RORA: variants seen among roughly 807,000 people sequenced by gnomAD.
RORA encodes the protein RAR related orphan receptor A.
Under a neutral mutation model 69.5 loss-of-function variants are expected in RORA, and 7 were observed. The ratio of observed to expected loss-of-function variants is 0.10; its 90% confidence interval spans 0.06 to 0.19. The LOEUF is 0.19. Among genes scored for constraint, RORA ranks in the 10% least tolerant of loss-of-function variants. The pLI, the probability that RORA is intolerant of heterozygous loss-of-function variation, is 1.00. For missense variants in RORA, 457 were observed against 663.0 expected (o/e 0.69, Z 3.41); for synonymous variants, 261 against 240.8 (o/e 1.08, Z -0.78).
chr15:60,868,504 G>T (rs2073515212), intron 1 of RORA, among the ~76,000 whole-genome samples: 2 of 152,208 alleles, frequency 1.3e-5, no homozygotes, highest in South Asian at 4.1e-4. Context: ...GGTTCTGTTG[G>T]GCTAGCAAGC....
chr15:61,090,037 G>A (rs2078682552), intron 1 of RORA, among the ~76,000 whole-genome samples: 1 of 152,200 alleles, frequency 6.6e-6, no homozygotes, highest in Non-Finnish European at 1.5e-5. Flanking sequence ...ACCAAATGGG[G>A]CAAGCCCAGG....
At chr15:60,963,176 A>G (rs1419753160) in intron 1 of RORA, among the ~76,000 whole-genome samples, 1 of 152,214 alleles carries the variant, frequency 6.6e-6, no homozygotes, top group East Asian at 1.9e-4. Flanking sequence ...AAGAAATTGA[A>G]CTTTTCAGAG....
rs576509786 is a variant in RORA, at chr15:61,142,882, T to C, written c.166+86171A>G. ...TTGATATGGGAAAGAGAGATATAGATACACATGCATCAGCTCAAAAGCCTA... is the reference window on the plus strand; with the variant it reads ...TTGATATGGGAAAGAGAGATATAGACACACATGCATCAGCTCAAAAGCCTA... On this transcript the variant is annotated intron_variant, in intron 1 of 10. Transcript: ENST00000335670. Among the ~76,000 whole-genome samples the C allele has an allele frequency of 2.8e-4, 42 of 152,240 alleles. 1 individual carries two copies. In the South Asian group the frequency reaches 7.5e-3, roughly 27 times the overall value.
chr15:61,161,074 G>C lies in RORA; in HGVS notation c.166+67979C>G, dbSNP rs138502339. On this transcript the variant is annotated intron_variant, in intron 1 of 10. Coordinates refer to ENST00000335670, the MANE Select transcript of RORA (RefSeq NM_134261.3). ...GGCGGAGGGGGTCTGACAAAATAGG[G>C]GTCATCTTCTTACTCAGAAGCCCAA... 1.6e-4 allele frequency among the ~76,000 whole-genome samples: 24 copies of C among 152,180 alleles called. No individual in the cohort carries two copies. In the East Asian group the frequency reaches 4.5e-3, roughly 28 times the overall value.
At chr15:60,881,998 T>C (rs748772731) in intron 1 of RORA, among the ~76,000 whole-genome samples, 3 of 152,224 alleles carry the variant, frequency 2.0e-5, no homozygotes. Flanking sequence ...GACTTAAATA[T>C]GGCTCAGAGC....
At chr15:60,947,783 C>T (rs927789602) in intron 1 of RORA, among the ~76,000 whole-genome samples, 6 of 150,536 alleles carry the variant, frequency 4.0e-5, no homozygotes, top group African/African-American at 1.5e-4. Context: ...GTCTTGGGTG[C>T]TGTGCTGCCT....
intron 2 of RORA, chr15:60,627,202 C>G: frequency 1.3e-6 from 2 of 1,597,544 alleles, no homozygotes; most frequent in Non-Finnish European, 1.7e-6. Context: ...ACACAGTGAT[C>G]AGCAGAGCAA....
chr15:61,103,155 T>C (rs1391800122), intron 1 of RORA, among the ~76,000 whole-genome samples: 1 of 152,146 alleles, frequency 6.6e-6, no homozygotes, highest in African/African-American at 2.4e-5. Flanking sequence ...GAAAGCAATG[T>C]TGTAAGCAAC....
chr15:61,217,881 A>G (rs1488712085), intron 1 of RORA, among the ~76,000 whole-genome samples: 2 of 152,202 alleles, frequency 1.3e-5, no homozygotes, highest in African/African-American at 4.8e-5. Context: ...ATTATAAATA[A>G]TAAGTATTTA....
chr15:61,151,450 G>A (rs903785578), intron 1 of RORA, among the ~76,000 whole-genome samples: 12 of 152,292 alleles, frequency 7.9e-5, no homozygotes, highest in African/African-American at 2.9e-4. Flanking sequence ...CTAGAACAAA[G>A]CTCCTAATCA....
At chr15:61,029,754 G>A (rs1189687828) in intron 1 of RORA, among the ~76,000 whole-genome samples, 1 of 152,172 alleles carries the variant, frequency 6.6e-6, no homozygotes, top group Non-Finnish European at 1.5e-5. Flanking sequence ...ACCCATGGGA[G>A]ACAGGACACT....
chr15:61,146,438 TCCC>T (rs999455869), intron 1 of RORA, among the ~76,000 whole-genome samples: 2 of 138,078 alleles, frequency 1.4e-5, no homozygotes, highest in African/African-American at 5.4e-5. Flanking sequence ...TATACCTTCC[TCCC>T]CCCAACACAC....
intron 6 of RORA, among the ~76,000 whole-genome samples, chr15:60,504,109 C>T (rs1007490021): frequency 1.3e-5 from 2 of 152,010 alleles, no homozygotes; most frequent in Non-Finnish European, 2.9e-5. Context: ...TCTGGATCTT[C>T]TTTTAAGTAA....
intron 1 of RORA, among the ~76,000 whole-genome samples, chr15:61,073,929 G>C (rs959103505): frequency 6.6e-6 from 1 of 152,178 alleles, no homozygotes. Flanking sequence ...GGAATAACAA[G>C]CAGTCCATTT....
chr15:61,024,503 G>A (rs904834936), intron 1 of RORA, among the ~76,000 whole-genome samples: 2 of 151,002 alleles, frequency 1.3e-5, no homozygotes, highest in Non-Finnish European at 3.0e-5. Flanking sequence ...GGCTGGAGGG[G>A]GCAGTGGCAT....
In RORA at chr15:60,991,906, A is replaced by AAAAATAAAATAAAATAAAATAAAAT. The variant is rs60034207; in HGVS notation, c.166+237122_166+237146dup. On this transcript the variant is annotated intron_variant, in intron 1 of 10. Coordinates refer to ENST00000335670, the MANE Select transcript of RORA (RefSeq NM_134261.3). The stretch of plus-strand genomic sequence containing the variant: ...GCGTGACAGAGCGAGACCGTGCCTC[A>AAAAATAAAATAAAATAAAATAAAAT]AAAATAAAATAAAATAAAATAAAAT... 2.5e-3 allele frequency among the ~76,000 whole-genome samples: 375 copies of AAAAATAAAATAAAATAAAATAAAAT among 148,140 alleles called. 1 individual carries two copies. Among genetic ancestry groups the AAAAATAAAATAAAATAAAATAAAAT allele is most frequent in the African/African-American group, 8.9e-3 (356 of 39,842 alleles).
chr15:61,069,922 C>T (rs1375896380), intron 1 of RORA, among the ~76,000 whole-genome samples: 1 of 152,150 alleles, frequency 6.6e-6, no homozygotes, highest in Non-Finnish European at 1.5e-5. Flanking sequence ...TTCCCAAAGT[C>T]AGAACAGAAC....
At position 60,762,554 on chromosome 15, in the gene RORA, C is replaced by T. The variant is rs1595694440; in HGVS notation, c.167-83868G>A. Among the ~76,000 whole-genome samples the T allele has an allele frequency of 2.0e-5, 3 of 152,218 alleles. No homozygotes were observed. The South Asian group carries it at 6.2e-4, about 32-fold the overall frequency. On this transcript the variant is annotated intron_variant, in intron 1 of 10. Coordinates refer to ENST00000335670, the MANE Select transcript of RORA (RefSeq NM_134261.3). Reference sequence around the variant, plus strand: ...GAAACACACACAGTACACACACACACACCCACGCACACACACACCACACAC... The same window carrying T: ...GAAACACACACAGTACACACACACATACCCACGCACACACACACCACACAC...
At chr15:60,864,655 G>C (rs1445260904) in intron 1 of RORA, among the ~76,000 whole-genome samples, 1 of 152,144 alleles carries the variant, frequency 6.6e-6, no homozygotes, top group African/African-American at 2.4e-5. Context: ...AAATGGGTAA[G>C]TAACTCAGGA....
Sources: gnomAD v4.1 joint callset for allele counts (sites outside exome capture counted in the v4.1 genomes callset) on GRCh38, gnomAD v4.1.1 for gene constraint, MANE v1.5 for transcripts, NCBI Gene and HGNC (gene_info 2026-07-23, HGNC 2026-07-21) for gene names.